PPP1R3F: variants seen among roughly 807,000 people sequenced by gnomAD.
The protein encoded by PPP1R3F is protein phosphatase 1, regulatory (inhibitor) subunit 3F.
A neutral mutation model predicts 24.2 loss-of-function variants in PPP1R3F; 29 were observed. That is an observed-to-expected ratio of 1.20 (90% confidence interval 0.89 to 1.63). The LOEUF is 1.63. PPP1R3F is among the 40% of genes most tolerant of loss of function. The pLI, the probability that PPP1R3F is intolerant of heterozygous loss-of-function variation, is 0.00. For synonymous variants in PPP1R3F, 363 were observed against 340.1 expected (o/e 1.07, Z -0.74); for missense variants, 823 against 729.3 (o/e 1.13, Z -1.48).
intron 1 of PPP1R3F, chrX:49,273,145 A>C (rs782179737): frequency 9.2e-6 from 1 of 109,113 alleles, no homozygotes; most frequent in Non-Finnish European, 1.9e-5. Context: ...CACCACCCAG[A>C]TGAAGATACT....
Position 49,286,089 on chromosome X carries a change from G to T in PPP1R3F, c.1399G>T (p.Gly467Trp). ...ATGGGGAGTATCGAGTGAGAATGGA[G>T]GGGGGCTGGAGGCTGTGAGTGGGTC... is the stretch of plus-strand genomic sequence containing the variant. The part of the protein sequence containing the change: ...ATWGVSSENG[G>W]GLEAVSGSEE... Residue 467 changes from glycine (G) to tryptophan (W), a missense_variant, in exon 4 of 4, where the codon GGG becomes TGG. Coordinates refer to ENST00000055335, the MANE Select transcript of PPP1R3F (RefSeq NM_033215.5). 1 of 1,174,194 alleles carries T rather than the reference G, an allele frequency of 8.5e-7. No individual in the cohort carries two copies. Among genetic ancestry groups the T allele is most frequent in the Non-Finnish European group, 1.1e-6 (1 of 874,499 alleles).
chrX:49,281,555 C>A, intron 2 of PPP1R3F, 94 bp downstream of exon 2: 1 of 724,218 alleles, frequency 1.4e-6, no homozygotes, highest in Non-Finnish European at 2.1e-6. Flanking sequence ...AAAGGCTGGG[C>A]TCAGTGGCTC....
rs138929228 is a variant in PPP1R3F, at chrX:49,282,226, C to T, written c.1143+163C>T. On this transcript the variant is annotated intron_variant, in intron 3 of 3. Transcript: ENST00000055335. ...ATGGGGGAGGGGGAGAATGCAGTTA[C>T]TCAGCTGGGCTTGTAGAAATGTCAT... Among the ~76,000 whole-genome samples, 411 of 111,679 alleles carry T rather than the reference C, an allele frequency of 3.7e-3. 2 individuals are homozygous for T. The highest frequency in any genetic ancestry group is 0.013 in the African/African-American group (391 of 30,712).
rs368396837 is a variant in PPP1R3F at position 49,286,509 on chromosome X, C to T, written c.1819C>T (p.Arg607Cys). ...GCCTCCAGAAATCCTCTCCGGGGCC[C>T]GTTCTGTGGTAGCCACGATGGGAGA... ...ESPPEILSGA[R>C]SVVATMGDVW... Residue 607 changes from arginine (R) to cysteine (C), a missense_variant, in exon 4 of 4, where the codon CGT (arginine) becomes TGT (cysteine). Transcript: ENST00000055335. The T allele has an allele frequency of 2.1e-5, 25 of 1,208,612 alleles. 1 individual carries two copies. Among genetic ancestry groups the T allele is most frequent in the Middle Eastern group, 2.3e-4 (1 of 4,338 alleles).
chrX:49,270,218 CCCA>C lies in PPP1R3F; in HGVS notation c.351_353del (p.Thr118del). The C allele has an allele frequency of 9.1e-7, 1 of 1,096,334 alleles. No individual in the cohort carries two copies. Among genetic ancestry groups the C allele is most frequent in the Non-Finnish European group, 1.2e-6 (1 of 847,400 alleles). 90.4% of individuals were successfully genotyped at this position (1,096,334 alleles called of 1,213,427 possible). A position where few individuals can be genotyped will look rare whatever the true frequency, so the allele number is the denominator to read the frequency against. ...CGCTGGCGGGGGGTTTTACCTGGTCCCCACATTTTCGCTGCCGCCCGCGCCGGG... is the reference window on the plus strand; with the variant it reads ...CGCTGGCGGGGGGTTTTACCTGGTCCCATTTTCGCTGCCGCCCGCGCCGGG... On this transcript the variant is annotated inframe_deletion, in exon 1 of 4. Coordinates refer to ENST00000055335, the MANE Select transcript of PPP1R3F (RefSeq NM_033215.5).
downstream of PPP1R3F, among the ~76,000 whole-genome samples, chrX:49,290,643 T>C (rs2066305814): frequency 3.6e-5 from 4 of 111,239 alleles, no homozygotes. Context: ...GTTAGACAGG[T>C]CTTATAGTCA....
chrX:49,294,802 C>T (rs1426695603), intron 3 of PPP1R3F, among the ~76,000 whole-genome samples: 3 of 107,104 alleles, frequency 2.8e-5, no homozygotes, highest in African/African-American at 6.8e-5. Flanking sequence ...CCCAGCTACT[C>T]GGGAGGCTGA....
chrX:49,299,265 C>A (rs2066331079), intron 3 of PPP1R3F, among the ~76,000 whole-genome samples: 1 of 112,367 alleles, frequency 8.9e-6, no homozygotes, highest in South Asian at 3.7e-4. Flanking sequence ...AGTCAGGCCC[C>A]TCTGCTGCAG....
rs1557121739 is a variant in PPP1R3F at position 49,286,923 on chromosome X, C to G, written c.2233C>G (p.Leu745Val). The G allele has an allele frequency of 8.3e-7, 1 of 1,203,353 alleles. No individual in the cohort carries two copies. Among genetic ancestry groups the G allele is most frequent in the Non-Finnish European group, 1.1e-6 (1 of 891,377 alleles). ...TGAACCCCCAAAGAAGTCTCCCACCCTAGCAGTCCCTGCAGAATGTGTGTG... is the reference window on the plus strand; with the variant it reads ...TGAACCCCCAAAGAAGTCTCCCACCGTAGCAGTCCCTGCAGAATGTGTGTG... ...SLEPPKKSPT[L>V]AVPAECVCAL... Residue 745 changes from leucine to valine, a missense_variant, in exon 4 of 4, where the codon CTA becomes GTA. Coordinates refer to ENST00000055335, the MANE Select transcript of PPP1R3F (RefSeq NM_033215.5).
intron 3 of PPP1R3F, among the ~76,000 whole-genome samples, chrX:49,284,540 C>CT (rs2066270131): frequency 2.0e-5 from 1 of 49,427 alleles, no homozygotes; most frequent in East Asian, 6.9e-4. Context: ...GAGTCAGAGT[C>CT]TTTCTCTGTC....
At position 49,286,158 on chromosome X, in the gene PPP1R3F, C is replaced by T. The variant is rs2066281278; in HGVS notation, c.1468C>T (p.Gln490Ter). The T allele has an allele frequency of 8.4e-7, 1 of 1,185,891 alleles. No individual in the cohort carries two copies. ...GEDTIDQELE[Q>*]LYLSHLSRLR... Reference sequence around the variant, plus strand: ...GGACACCATCGACCAGGAGCTGGAGCAGCTCTACCTGTCTCACCTGAGCCG... The same window carrying T: ...GGACACCATCGACCAGGAGCTGGAGTAGCTCTACCTGTCTCACCTGAGCCG... The change falls in exon 4 of 4, where the codon CAG (glutamine) becomes TAG (stop). Residue 490 changes from glutamine to a stop codon, truncating the protein, a stop_gained. Transcript: ENST00000055335. LOFTEE classifies it high-confidence loss of function.
chrX:49,285,048 A>T (rs982920188), intron 3 of PPP1R3F, among the ~76,000 whole-genome samples: 1 of 110,985 alleles, frequency 9.0e-6, no homozygotes. Context: ...TTTTTTTAAA[A>T]TTTTTTTAAT....
At chrX:49,284,883 G>A (rs1557121148) in intron 3 of PPP1R3F, among the ~76,000 whole-genome samples, 2 of 110,998 alleles carry the variant, frequency 1.8e-5, no homozygotes, top group Non-Finnish European at 3.8e-5. Context: ...CCAAGATTTG[G>A]GGGCTCGGCA....
In PPP1R3F at chrX:49,298,382, C is replaced by T. The variant is rs1321229761; in HGVS notation, c.393-2969C>T. On this transcript the variant is annotated intron_variant, in intron 3 of 3. Coordinates refer to the PPP1R3F transcript ENST00000471261. ...CTTGTAGGGTTTCTGCAGAGATCCA[C>T]TCTTAGTCTGATGGGCTTCCCTATG... Among the ~76,000 whole-genome samples the T allele has an allele frequency of 1.6e-4, 18 of 112,466 alleles. No homozygotes were observed. In the Admixed American group the frequency reaches 1.7e-3, roughly 11 times the overall value.
At chrX:49,295,638 G>A (rs2066321058) in intron 3 of PPP1R3F, among the ~76,000 whole-genome samples, 1 of 110,703 alleles carries the variant, frequency 9.0e-6, no homozygotes, top group African/African-American at 3.3e-5. Context: ...TTGGTATCAG[G>A]GTAATGCTAT....
downstream of PPP1R3F, among the ~76,000 whole-genome samples, chrX:49,289,239 G>A (rs1290970962): frequency 8.9e-6 from 1 of 112,002 alleles, no homozygotes; most frequent in Admixed American, 9.5e-5. Context: ...GAAACATTCA[G>A]TGACCTTAAA....
chrX:49,286,280 G>A lies in PPP1R3F; in HGVS notation c.1590G>A (p.Thr530=), dbSNP rs146878026. Residue 530 remains threonine, a synonymous_variant, in exon 4 of 4, where the codon ACG becomes ACA. Coordinates refer to ENST00000055335, the MANE Select transcript of PPP1R3F (RefSeq NM_033215.5). ...CCAGCCATCCCCTGGGCATACTGAC[G>A]GACCGCGACCTGATCTTGAAGTGGC... The part of the protein sequence containing the change: ...MSPSHPLGIL[T]DRDLILKWPG... 4.1e-6 allele frequency: 5 copies of A among 1,209,798 alleles called. No homozygotes were observed. Among genetic ancestry groups the A allele is most frequent in the African/African-American group, 1.7e-5 (1 of 57,548 alleles).
chrX:49,273,480 G>A (rs2147962179), intron 1 of PPP1R3F: 1 of 112,552 alleles, frequency 8.9e-6, no homozygotes, highest in African/African-American at 3.2e-5. Flanking sequence ...TGGGCAGATG[G>A]CTTTTTGATA....
At chrX:49,282,441 C>A (rs1205759120) in intron 3 of PPP1R3F, among the ~76,000 whole-genome samples, 1 of 54,820 alleles carries the variant, frequency 1.8e-5, no homozygotes, top group Non-Finnish European at 3.4e-5. Context: ...GGGTGAGAGA[C>A]TCTGTGTGTG....
Sources: gnomAD v4.1 joint callset for allele counts (sites outside exome capture counted in the v4.1 genomes callset) on GRCh38, gnomAD v4.1.1 for gene constraint, MANE v1.5 for transcripts, NCBI Gene and HGNC (gene_info 2026-07-23, HGNC 2026-07-21) for gene names.